Variants in ISM2 observed in about 807,000 individuals in gnomAD.
ISM2 encodes isthmin 2.
ISM2 carries 50 observed loss-of-function variants against 58.0 expected under a neutral mutation model. That is an observed-to-expected ratio of 0.86 (90% CI 0.69 to 1.09). ISM2 has a LOEUF of 1.09. Ranked by LOEUF, ISM2 falls within the 50% of genes least tolerant of loss-of-function variation. The pLI is 0.00. For synonymous variants in ISM2, 303 were observed against 312.4 expected (o/e 0.97, Z 0.32); for missense variants, 723 against 745.0 (o/e 0.97, Z 0.34).
chr14:77,484,857 T>C lies in ISM2; in HGVS notation c.204A>G (p.Arg68=). The C allele has an allele frequency of 6.2e-7, 1 of 1,601,182 alleles. No homozygotes were observed. Among genetic ancestry groups the C allele is most frequent in the Non-Finnish European group, 8.5e-7 (1 of 1,173,574 alleles). ...GGTGTGGCTCTGCCTGCAGGTGGGTTCTGGGGAGCAGTGGTGCCTCCTCCT... is the reference window on the plus strand; with the variant it reads ...GGTGTGGCTCTGCCTGCAGGTGGGTCCTGGGGAGCAGTGGTGCCTCCTCCT... ...KEEEEAPLLP[R]THLQAEPHQH... is the part of the protein sequence containing the mutation. Residue 68 remains arginine (R), a synonymous_variant, in exon 2 of 7, where the codon AGA becomes AGG. Coordinates refer to ENST00000342219, the MANE Select transcript of ISM2 (RefSeq NM_199296.3).
chr14:77,480,710 G>A (rs925820750), intron 4 of ISM2, among the ~76,000 whole-genome samples: 39 of 151,470 alleles, frequency 2.6e-4, no homozygotes, highest in African/African-American at 9.0e-4. Flanking sequence ...GGCAGGCGCC[G>A]CTGTGCCCAA....
rs3742727 is a variant in ISM2 at position 77,498,117 on chromosome 14, A to G, written c.141+536T>C. On this transcript the variant is annotated intron_variant, in intron 1 of 6. Transcript: ENST00000342219. ...CATCTCATTCCTGTTTTATACCCCAATGCCCACCCACAGGCCACGAGGACA... is the reference window on the plus strand; with the variant it reads ...CATCTCATTCCTGTTTTATACCCCAGTGCCCACCCACAGGCCACGAGGACA... The G allele has an allele frequency of 8.2e-4, 360 of 437,286 alleles. 6 individuals are homozygous for G. In the East Asian group the frequency reaches 0.019, roughly 23 times the overall value. 27.1% of individuals were successfully genotyped at this position (437,286 alleles called of 1,614,324 possible). A position where few individuals can be genotyped will look rare whatever the true frequency, so the allele number is the denominator to read the frequency against.
intron 1 of ISM2, among the ~76,000 whole-genome samples, chr14:77,491,270 C>T (rs527962202): frequency 6.6e-6 from 1 of 152,290 alleles, no homozygotes; most frequent in East Asian, 1.9e-4. Flanking sequence ...CCTCAACAAG[C>T]GCTTCTTTCA....
At chr14:77,485,804 C>T (rs1369301190) in intron 1 of ISM2, among the ~76,000 whole-genome samples, 1 of 152,232 alleles carries the variant, frequency 6.6e-6, no homozygotes, top group Non-Finnish European at 1.5e-5. Flanking sequence ...CCCCTCCCGT[C>T]TCATACCTGG....
At chr14:77,488,068 C>T (rs2079179199) in intron 1 of ISM2, among the ~76,000 whole-genome samples, 1 of 152,214 alleles carries the variant, frequency 6.6e-6, no homozygotes, top group Non-Finnish European at 1.5e-5. Context: ...TCTTACACAC[C>T]AGGCCTTCCT....
chr14:77,491,271 G>C (rs1045265539), intron 1 of ISM2, among the ~76,000 whole-genome samples: 1 of 152,116 alleles, frequency 6.6e-6, no homozygotes, highest in African/African-American at 2.4e-5. Context: ...CTCAACAAGC[G>C]CTTCTTTCAT....
chr14:77,497,078 T>C (rs908015511), intron 1 of ISM2, among the ~76,000 whole-genome samples: 1 of 150,940 alleles, frequency 6.6e-6, no homozygotes, highest in African/African-American at 2.4e-5. Flanking sequence ...ATCTCAAAAA[T>C]GGGAAGAATG....
At chr14:77,488,390 C>G (rs1214126993) in intron 1 of ISM2, among the ~76,000 whole-genome samples, 1 of 151,954 alleles carries the variant, frequency 6.6e-6, no homozygotes, top group African/African-American at 2.4e-5. Flanking sequence ...CACCTGCGCA[C>G]TGGTGCACAC....
In ISM2 at chr14:77,484,343, TA is replaced by T; in HGVS notation, c.606del (p.Ser202ArgfsTer9). 1 of 1,611,418 alleles carries T rather than the reference TA, an allele frequency of 6.2e-7. No homozygotes were observed. Among genetic ancestry groups the T allele is most frequent in the Non-Finnish European group, 8.5e-7 (1 of 1,178,590 alleles). ...CTCACCTGGTTATCAGGGTTAGGGG[TA>T]CTCAAGGTTGCGTGGACCAATTCTG... Reference protein sequence around the residue: ...KLPELVHATLSTPNPDNQVTI... With the variant: ...KLPELVHATLXTPNPDNQVTI... On this transcript the variant is annotated frameshift_variant, in exon 3 of 7. Transcript: ENST00000342219. LOFTEE classifies it high-confidence loss of function.
rs962419690 is a variant in ISM2 at position 77,484,658 on chromosome 14, G to A, written c.384+19C>T. The A allele has an allele frequency of 6.2e-7, 1 of 1,611,364 alleles. No individual in the cohort carries two copies. Among genetic ancestry groups the A allele is most frequent in the Non-Finnish European group, 8.5e-7 (1 of 1,179,376 alleles). On this transcript the variant is annotated intron_variant, in intron 2 of 6. Transcript: ENST00000342219. Reference sequence around the variant, plus strand: ...GGCCAGGCAGAGCCAGGAGCTGCTGGCCCTTCTGTAGCTCTCACCTGGGTA... The same window carrying A: ...GGCCAGGCAGAGCCAGGAGCTGCTGACCCTTCTGTAGCTCTCACCTGGGTA...
In ISM2 at chr14:77,476,024, GC is replaced by G. The variant is rs2079096297; in HGVS notation, c.1286del (p.Cys429SerfsTer14). ...TGGCCTCCAGTGGGTAGGCACACGG[GC>G]AGCTGGGCAGGTCCCGCAGCATCTG... Reference protein sequence around the residue: ...LSQMLRDLPSCPCAYPLEAMD... With the variant: ...LSQMLRDLPSXPCAYPLEAMD... On this transcript the variant is annotated frameshift_variant, in exon 7 of 7. Transcript: ENST00000342219. LOFTEE classifies it high-confidence loss of function. 1 of 1,574,050 alleles carries G rather than the reference GC, an allele frequency of 6.4e-7. No individual in the cohort carries two copies. Among genetic ancestry groups the G allele is most frequent in the Admixed American group, 1.7e-5 (1 of 58,074 alleles).
At chr14:77,492,732 A>G (rs527826186) in intron 1 of ISM2, among the ~76,000 whole-genome samples, 241 of 152,178 alleles carry the variant, frequency 1.6e-3, no homozygotes, top group Non-Finnish European at 1.2e-3. Flanking sequence ...GATCGGCCAG[A>G]CATGGTGGCT....
chr14:77,487,777 G>C (rs1263174303), intron 1 of ISM2, among the ~76,000 whole-genome samples: 1 of 152,180 alleles, frequency 6.6e-6, no homozygotes, highest in African/African-American at 2.4e-5. Context: ...GGGTAGGGGA[G>C]CGAGACAGGG....
chr14:77,493,046 T>G (rs1028464123), intron 1 of ISM2, among the ~76,000 whole-genome samples: 5 of 152,008 alleles, frequency 3.3e-5, no homozygotes, highest in Admixed American at 2.0e-4. Flanking sequence ...CAGGCTGGAG[T>G]GCAGTGGTGC....
At chr14:77,498,220 T>G (rs1261116489) in intron 1 of ISM2, 1 of 1,282,062 alleles carries the variant, frequency 7.8e-7, no homozygotes, top group Admixed American at 2.4e-5. Context: ...TGGAAGGGGC[T>G]CACCTGACCG....
chr14:77,497,189 G>GA (rs1346427236), intron 1 of ISM2, among the ~76,000 whole-genome samples: 1 of 151,946 alleles, frequency 6.6e-6, no homozygotes, highest in Non-Finnish European at 1.5e-5. Flanking sequence ...CCAAGATGGT[G>GA]AAACCCTGTC....
At chr14:77,487,710 C>A (rs1029083118) in intron 1 of ISM2, among the ~76,000 whole-genome samples, 1 of 152,174 alleles carries the variant, frequency 6.6e-6, no homozygotes, top group Non-Finnish European at 1.5e-5. Flanking sequence ...TACCCCAAGA[C>A]AAGGGTTCCA....
chr14:77,494,427 C>T (rs1173126608), intron 1 of ISM2, among the ~76,000 whole-genome samples: 1 of 151,860 alleles, frequency 6.6e-6, no homozygotes, highest in Non-Finnish European at 1.5e-5. Context: ...GATGGAGACT[C>T]ACTCTGTCTC....
chr14:77,481,961 C>T lies in ISM2; in HGVS notation c.973+361G>A, dbSNP rs1566754355. Among the ~76,000 whole-genome samples, 3 of 151,214 alleles carry T rather than the reference C, an allele frequency of 2.0e-5. No homozygotes were observed. The South Asian group carries it at 6.3e-4, about 32-fold the overall frequency. On this transcript the variant is annotated intron_variant, in intron 4 of 6. Coordinates refer to ENST00000342219, the MANE Select transcript of ISM2 (RefSeq NM_199296.3). ...CTAAAAATAAAAAAATTAGCCTGCC[C>T]TGGTGGTATGCACCTGTGGTTCCAG...
Sources: allele counts gnomAD v4.1 joint callset (sites outside exome capture counted in the v4.1 genomes callset), GRCh38; gene constraint gnomAD v4.1.1; transcripts MANE v1.5; gene names NCBI Gene and HGNC (gene_info 2026-07-23, HGNC 2026-07-21).